Variants in KCTD16 observed in about 807,000 individuals in gnomAD.
KCTD16 encodes the protein potassium channel tetramerization domain containing 16, also known as BTB/POZ domain-containing protein KCTD16.
In KCTD16, 13 loss-of-function variants were observed where a neutral mutation model predicts 33.2. The ratio of observed to expected loss-of-function variants is 0.39; its 90% CI spans 0.25 to 0.62. KCTD16 has a LOEUF of 0.62. Ranked by LOEUF, KCTD16 falls within the 20% of genes least tolerant of loss-of-function variation. KCTD16 has a pLI of 0.50. For missense variants in KCTD16, 441 were observed against 525.1 expected, an observed-to-expected ratio of 0.84 and a Z score of 1.57; for synonymous variants, 197 against 195.3, an observed-to-expected ratio of 1.01 and a Z score of -0.07.
At chr5:144,210,549 T>G (rs977930478) in intron 3 of KCTD16, among the ~76,000 whole-genome samples, 1 of 152,182 alleles carries the variant, frequency 6.6e-6, no homozygotes, top group Non-Finnish European at 1.5e-5. Flanking sequence ...GAATAATTAC[T>G]TTTCAAGCAT....
At chr5:144,299,044 C>CTATATATATATATATATATATA (rs10589565) in intron 3 of KCTD16, among the ~76,000 whole-genome samples, 17 of 35,940 alleles carry the variant, frequency 4.7e-4, no homozygotes, top group Non-Finnish European at 6.1e-4. Flanking sequence ...AAACAGATCA[C>CTATATATATATATATATATATA]TATATATATA....
At chr5:144,214,400 A>T (rs1280078467) in intron 3 of KCTD16, among the ~76,000 whole-genome samples, 1 of 152,130 alleles carries the variant, frequency 6.6e-6, no homozygotes, top group Non-Finnish European at 1.5e-5. Flanking sequence ...GGAGTGACTG[A>T]CCATGTCACT....
rs1754624043 is a variant in KCTD16 at position 144,477,702 on chromosome 5, C to A, written c.*3588C>A. 1 of 152,078 alleles carries A rather than the reference C, an allele frequency of 6.6e-6. No individual in the cohort carries two copies. The highest frequency in any genetic ancestry group is 1.5e-5 in the Non-Finnish European group (1 of 67,990). 9.4% of individuals were successfully genotyped at this position (152,078 alleles called of 1,614,324 possible). On this transcript the variant is annotated 3_prime_UTR_variant, in exon 4 of 4. Coordinates refer to ENST00000512467, the MANE Select transcript of KCTD16 (RefSeq NM_020768.4). ...TGGTGTTTTGTAAAATTACTTGACA[C>A]CAGCTCCCACAATGGGAACCAAATT...
At chr5:144,331,238 G>T (rs1204294244) in intron 3 of KCTD16, among the ~76,000 whole-genome samples, 1 of 152,104 alleles carries the variant, frequency 6.6e-6, no homozygotes, top group Non-Finnish European at 1.5e-5. Context: ...GAGTGGGCCT[G>T]GTCTTGTGGA....
At chr5:144,331,292 A>G (rs958149644) in intron 3 of KCTD16, among the ~76,000 whole-genome samples, 2 of 152,166 alleles carry the variant, frequency 1.3e-5, no homozygotes, top group South Asian at 2.1e-4. Flanking sequence ...TCAAATTTGT[A>G]TGATAATCAG....
intron 3 of KCTD16, among the ~76,000 whole-genome samples, chr5:144,257,853 T>C (rs1485530329): frequency 3.9e-5 from 6 of 152,118 alleles, no homozygotes; most frequent in African/African-American, 1.2e-4. Context: ...GTGTTTGGGA[T>C]TGATTTCTGG....
chr5:144,278,758 A>G (rs950517468), intron 3 of KCTD16, among the ~76,000 whole-genome samples: 5 of 151,890 alleles, frequency 3.3e-5, no homozygotes, highest in African/African-American at 1.2e-4. Flanking sequence ...CGGCCTCCCT[A>G]AGTGCTGGGA....
chr5:144,186,356 A>AG (rs1386321694), intron 2 of KCTD16, among the ~76,000 whole-genome samples: 154 of 73,116 alleles, frequency 2.1e-3, no homozygotes, highest in African/African-American at 7.6e-3. Context: ...TTTTTTTAAA[A>AG]AAAAAAAGAA....
intron 3 of KCTD16, among the ~76,000 whole-genome samples, chr5:144,240,024 C>T (rs1040865625): frequency 6.6e-6 from 1 of 152,064 alleles, no homozygotes; most frequent in African/African-American, 2.4e-5. Flanking sequence ...TGGATTACCC[C>T]CTTTAGTCCT....
chr5:144,183,393 A>T (rs1752665408), intron 2 of KCTD16, among the ~76,000 whole-genome samples: 1 of 152,110 alleles, frequency 6.6e-6, no homozygotes, highest in Non-Finnish European at 1.5e-5. Flanking sequence ...CTGTTTGCTT[A>T]TTTTTTTAAT....
intron 3 of KCTD16, among the ~76,000 whole-genome samples, chr5:144,217,412 A>G (rs1753598598): frequency 6.6e-6 from 1 of 152,156 alleles, no homozygotes; most frequent in African/African-American, 2.4e-5. Context: ...AAAATTTATT[A>G]ATTCTTATTT....
intron 3 of KCTD16, among the ~76,000 whole-genome samples, chr5:144,349,423 G>A (rs1039347335): frequency 3.9e-5 from 6 of 152,156 alleles, no homozygotes; most frequent in Admixed American, 2.0e-4. Context: ...GTTGACAAAT[G>A]GCAGCTATGA....
Position 144,270,841 on chromosome 5 carries a change from A to G in KCTD16, c.832+63295A>G, listed in dbSNP as rs73312730. Among the ~76,000 whole-genome samples, 408 of 152,014 alleles carry G rather than the reference A, an allele frequency of 2.7e-3. 4 individuals are homozygous for G. The highest frequency in any genetic ancestry group is 8.4e-3 in the African/African-American group (350 of 41,556). ...AATCAGAAATGAAAGTGATGACATT[A>G]CTACTGCTACTACAGAAAGAAAAAA... On this transcript the variant is annotated intron_variant, in intron 3 of 3. Transcript: ENST00000512467.
At chr5:144,362,550 C>A (rs986169049) in intron 3 of KCTD16, among the ~76,000 whole-genome samples, 8 of 152,006 alleles carry the variant, frequency 5.3e-5, no homozygotes, top group African/African-American at 1.9e-4. Flanking sequence ...TAGGTAAGAA[C>A]GATCACTACC....
intron 3 of KCTD16, among the ~76,000 whole-genome samples, chr5:144,208,788 A>G (rs1580788829): frequency 6.6e-6 from 1 of 152,356 alleles, no homozygotes; most frequent in South Asian, 2.1e-4. Context: ...CATGTATTGC[A>G]TAGCCAGAAC....
chr5:144,212,176 T>C (rs1753417501), intron 3 of KCTD16, among the ~76,000 whole-genome samples: 1 of 152,142 alleles, frequency 6.6e-6, no homozygotes, highest in African/African-American at 2.4e-5. Flanking sequence ...AGATATTGGA[T>C]AATAAAGGGC....
chr5:144,189,109 A>T (rs572290111), intron 2 of KCTD16, among the ~76,000 whole-genome samples: 31 of 152,350 alleles, frequency 2.0e-4, no homozygotes, highest in African/African-American at 7.0e-4. Flanking sequence ...TTATACTTAA[A>T]TCTACTGGAG....
At chr5:144,179,079 T>C (rs1241005494) in intron 2 of KCTD16, among the ~76,000 whole-genome samples, 1 of 152,208 alleles carries the variant, frequency 6.6e-6, no homozygotes, top group Non-Finnish European at 1.5e-5. Context: ...CCCCACTCTT[T>C]GACTTTACAA....
chr5:144,420,580 C>A (rs984924729), intron 3 of KCTD16, among the ~76,000 whole-genome samples: 1 of 151,864 alleles, frequency 6.6e-6, no homozygotes, highest in African/African-American at 2.4e-5. Flanking sequence ...TATAATAGAA[C>A]AACTGTACTT....
Sources: allele counts gnomAD v4.1 joint callset (sites outside exome capture counted in the v4.1 genomes callset), GRCh38; gene constraint gnomAD v4.1.1; transcripts MANE v1.5; gene names NCBI Gene and HGNC (gene_info 2026-07-23, HGNC 2026-07-21).